ZNF286A: variants seen among roughly 807,000 people sequenced by gnomAD.
The protein encoded by ZNF286A is zinc finger protein 286A.
In ZNF286A, 34 loss-of-function variants were observed where a neutral mutation model predicts 49.3. The ratio of observed to expected loss-of-function variants is 0.69; its 90% CI spans 0.52 to 0.92. The LOEUF is 0.92. Among genes scored for constraint, ZNF286A ranks in the 40% least tolerant of loss-of-function variants. ZNF286A has a pLI of 0.00. For missense variants in ZNF286A, 462 were observed against 600.2 expected (o/e 0.77, Z 2.41); for synonymous variants, 155 against 200.4 (o/e 0.77, Z 1.91).
At chr17:15,715,083 G>A (rs562057425) in intron 5 of ZNF286A, among the ~76,000 whole-genome samples, 1 of 151,874 alleles carries the variant, frequency 6.6e-6, no homozygotes, top group East Asian at 1.9e-4. Context: ...GCTTTATATT[G>A]GATATAAAAA....
In ZNF286A at chr17:15,718,545, C is replaced by G. The variant is rs1485870860; in HGVS notation, c.*1255C>G. 4.7e-5 allele frequency: 7 copies of G among 149,844 alleles called. No individual in the cohort carries two copies. Among genetic ancestry groups the G allele is most frequent in the African/African-American group, 9.9e-5 (4 of 40,376 alleles). 9.3% of individuals were successfully genotyped at this position (149,844 alleles called of 1,614,324 possible). On this transcript the variant is annotated 3_prime_UTR_variant, in exon 6 of 6. Coordinates refer to ENST00000583566, the MANE Select transcript of ZNF286A (RefSeq NM_001130842.2). ...TCAGTGTGTTATTATATTTAGGGTC[C>G]CAGTAAAGAAGAACTGAAGCAACTG...
chr17:15,711,863 C>CG (rs1022215720), intron 5 of ZNF286A, among the ~76,000 whole-genome samples: 1 of 100,222 alleles, frequency 1.0e-5, no homozygotes, highest in Non-Finnish European at 2.1e-5. Context: ...GTAATCTGCC[C>CG]CCCCCCCGGC....
chr17:15,705,117 T>TA (rs1243841216), intron 3 of ZNF286A, among the ~76,000 whole-genome samples: 2 of 152,288 alleles, frequency 1.3e-5, no homozygotes, highest in African/African-American at 4.8e-5. Flanking sequence ...TCTTAAATCT[T>TA]AGATTATTTT....
chr17:15,709,815 G>A (rs1260319997), intron 5 of ZNF286A: 12 of 1,546,530 alleles, frequency 7.8e-6, no homozygotes, highest in Non-Finnish European at 1.0e-5. Flanking sequence ...TTTTCTGTTA[G>A]CAGTTGCAGT....
intron 3 of ZNF286A, among the ~76,000 whole-genome samples, chr17:15,702,330 C>T (rs1356865304): frequency 6.6e-6 from 1 of 151,984 alleles, no homozygotes; most frequent in African/African-American, 2.4e-5. Flanking sequence ...GCCTGACCAA[C>T]ATGGTGAAAC....
At chr17:15,704,470 T>C (rs1219551477) in intron 3 of ZNF286A, 3 of 1,613,456 alleles carry the variant, frequency 1.9e-6, no homozygotes, top group East Asian at 2.2e-5. Context: ...CCGAGCCGCA[T>C]ACTCCTCGGA....
chr17:15,706,431 G>C lies in ZNF286A; in HGVS notation c.171G>C (p.Glu57Asp), dbSNP rs1291480554. ...FKDVAMDFTP[E>D]EWGKLDPAQR... ...ATGTGGCCATGGACTTTACACCAGA[G>C]GAGTGGGGGAAGCTGGATCCTGCAC... is the stretch of plus-strand genomic sequence containing the variant. Residue 57 changes from glutamate to aspartate, a missense_variant, in exon 4 of 6, where the codon GAG (glutamate) becomes GAC (aspartate). By Grantham distance (45) the Glu-to-Asp change is conservative. Coordinates refer to ENST00000583566, the MANE Select transcript of ZNF286A (RefSeq NM_001130842.2). 6.2e-7 allele frequency: 1 copy of C among 1,613,938 alleles called. No homozygotes were observed. Among genetic ancestry groups the C allele is most frequent in the East Asian group, 2.2e-5 (1 of 44,852 alleles).
At chr17:15,705,892 C>T (rs548788236) in intron 3 of ZNF286A, among the ~76,000 whole-genome samples, 23 of 152,252 alleles carry the variant, frequency 1.5e-4, no homozygotes, top group Non-Finnish European at 2.8e-4. Flanking sequence ...TGAATTAATT[C>T]ATGTTTAACT....
rs555234399 is a variant in ZNF286A at position 15,699,939 on chromosome 17, G to T, written c.-196+162G>T. The T allele has an allele frequency of 1.5e-4, 94 of 634,216 alleles. 1 individual carries two copies. The African/African-American group carries it at 1.6e-3, about 11-fold the overall frequency. 39.3% of individuals were successfully genotyped at this position (634,216 alleles called of 1,614,324 possible). A position where few individuals can be genotyped will look rare whatever the true frequency, so the allele number is the denominator to read the frequency against. ...CTCACTCTGGCCTGATCCTCTCCTC[G>T]GGGGACGCGGTTGTGCCACGGGCGG... is the stretch of plus-strand genomic sequence containing the variant. On this transcript the variant is annotated intron_variant, in intron 1 of 5. Transcript: ENST00000583566.
rs1468063241 is a variant in ZNF286A at position 15,719,722 on chromosome 17, T to A, written c.*2432T>A. On this transcript the variant is annotated 3_prime_UTR_variant, in exon 6 of 6. Coordinates refer to ENST00000583566, the MANE Select transcript of ZNF286A (RefSeq NM_001130842.2). ...ACTTTGATGGGGATATAGCCCATAGTAGGTTGTATGTCCCTGAAAGCCTAA... is the reference window on the plus strand; with the variant it reads ...ACTTTGATGGGGATATAGCCCATAGAAGGTTGTATGTCCCTGAAAGCCTAA... 1.3e-5 allele frequency: 2 copies of A among 152,192 alleles called. No individual in the cohort carries two copies. Among genetic ancestry groups the A allele is most frequent in the African/African-American group, 2.4e-5 (1 of 41,432 alleles). 9.4% of individuals were successfully genotyped at this position (152,192 alleles called of 1,614,324 possible).
intron 5 of ZNF286A, among the ~76,000 whole-genome samples, chr17:15,711,185 T>G (rs1384372438): frequency 1.3e-5 from 2 of 152,190 alleles, no homozygotes; most frequent in African/African-American, 4.8e-5. Context: ...GTGCTGGGAT[T>G]ACAGGCGTGA....
Position 15,716,098 on chromosome 17 carries a change from T to C in ZNF286A, c.374T>C (p.Val125Ala). Residue 125 changes from valine to alanine, a missense_variant, in exon 6 of 6, where the codon GTG becomes GCG. By Grantham distance (64) the Val-to-Ala change is moderately conservative (BLOSUM62 0). Transcript: ENST00000583566. ...TRPQSKDSTS[V>A]QDFSKAESCK... is the part of the protein sequence containing the mutation. The stretch of plus-strand genomic sequence containing the variant: ...CCACAGAGCAAGGATTCAACTTCAG[T>C]GCAAGATTTTTCCAAAGCAGAATCA... 1.9e-6 allele frequency: 3 copies of C among 1,613,886 alleles called. No individual in the cohort carries two copies. The highest frequency in any genetic ancestry group is 2.5e-6 in the Non-Finnish European group (3 of 1,179,812).
intron 3 of ZNF286A, among the ~76,000 whole-genome samples, chr17:15,701,973 T>C (rs889821187): frequency 6.6e-6 from 1 of 151,884 alleles, no homozygotes; most frequent in African/African-American, 2.4e-5. Flanking sequence ...ACACAAAAAA[T>C]TAGCCAGGCA....
At chr17:15,708,634 C>G (rs545736709) in intron 5 of ZNF286A, among the ~76,000 whole-genome samples, 1 of 152,216 alleles carries the variant, frequency 6.6e-6, no homozygotes, top group Non-Finnish European at 1.5e-5. Flanking sequence ...CTCCCTTCTC[C>G]CAAGGGTCAC....
In ZNF286A at chr17:15,709,928, A is replaced by G. The variant is rs201557551; in HGVS notation, c.334+1681A>G. The stretch of plus-strand genomic sequence containing the variant: ...CTTAAATCATCACATGTTTAGCTTT[A>G]CTAGGAACTGCCAACAGTTGAGTTA... On this transcript the variant is annotated intron_variant, in intron 5 of 5. Coordinates refer to ENST00000583566, the MANE Select transcript of ZNF286A (RefSeq NM_001130842.2). 113 of 1,517,674 alleles carry G rather than the reference A, an allele frequency of 7.4e-5. 1 individual carries two copies. Among genetic ancestry groups the G allele is most frequent in the Non-Finnish European group, 9.3e-5 (105 of 1,131,750 alleles). 94.0% of individuals were successfully genotyped at this position (1,517,674 alleles called of 1,614,324 possible).
intron 1 of ZNF286A, 54 bp downstream of exon 1, chr17:15,699,831 C>A: frequency 1.4e-6 from 1 of 702,692 alleles, no homozygotes; most frequent in Non-Finnish European, 2.6e-6. Context: ...GCGGTGGTTC[C>A]CCGGGTCGTT....
At chr17:15,702,605 C>G (rs1215896665) in intron 3 of ZNF286A, among the ~76,000 whole-genome samples, 1 of 152,060 alleles carries the variant, frequency 6.6e-6, no homozygotes, top group African/African-American at 2.4e-5. Context: ...ATCAGCCTTT[C>G]TCTTTGCTTC....
intron 5 of ZNF286A, among the ~76,000 whole-genome samples, chr17:15,713,985 G>A (rs1966896302): frequency 6.6e-6 from 1 of 152,150 alleles, no homozygotes; most frequent in East Asian, 1.9e-4. Flanking sequence ...TGTGAAACAA[G>A]TGGCTGGTTC....
At position 15,716,855 on chromosome 17, in the gene ZNF286A, T is replaced by G. The variant is rs748045469; in HGVS notation, c.1131T>G (p.Thr377=). 21 of 1,607,906 alleles carry G rather than the reference T, an allele frequency of 1.3e-5. No individual in the cohort carries two copies. Among genetic ancestry groups the G allele is most frequent in the Non-Finnish European group, 1.7e-5 (20 of 1,177,758 alleles). ...TCATTAAACATCAAAGAACTCATAC[T>G]GGAGAGAAACCTTATAAATGTCAAG... ...SALIKHQRTH[T]GEKPYKCQEC... is the part of the protein sequence containing the mutation. The change falls in exon 6 of 6, where the codon ACT becomes ACG. Residue 377 remains threonine, a synonymous_variant. Coordinates refer to ENST00000583566, the MANE Select transcript of ZNF286A (RefSeq NM_001130842.2).
Sources: allele counts gnomAD v4.1 joint callset (sites outside exome capture counted in the v4.1 genomes callset), GRCh38; gene constraint gnomAD v4.1.1; transcripts MANE v1.5; gene names NCBI Gene and HGNC (gene_info 2026-07-23, HGNC 2026-07-21).